ARHGAP22: variants seen among roughly 807,000 people sequenced by gnomAD.
ARHGAP22 encodes rho GTPase-activating protein 22.
A neutral mutation model predicts 59.1 loss-of-function variants in ARHGAP22; 48 were observed. That is an observed-to-expected ratio of 0.81 (90% CI 0.64 to 1.03). The LOEUF (loss-of-function observed/expected upper bound fraction) is 1.03, where lower values mean the gene tolerates loss of function less well. ARHGAP22 is among the 50% of genes least tolerant of loss of function. The pLI, the probability that ARHGAP22 is intolerant of heterozygous loss-of-function variation, is 0.00. For synonymous variants in ARHGAP22, 445 were observed against 416.4 expected (o/e 1.07, Z -0.84); for missense variants, 1,015 against 958.7 (o/e 1.06, Z -0.78).
intron 4 of ARHGAP22, among the ~76,000 whole-genome samples, chr10:48,474,647 G>GGGA (rs1472069779): frequency 1.3e-5 from 2 of 152,112 alleles, no homozygotes; most frequent in East Asian, 1.9e-4. Flanking sequence ...TCTATTCCTA[G>GGGA]TTTCTGGAGT....
chr10:48,533,863 G>GA (rs1189198698), intron 3 of ARHGAP22, among the ~76,000 whole-genome samples: 7 of 152,042 alleles, frequency 4.6e-5, no homozygotes, highest in Middle Eastern at 3.2e-3. Flanking sequence ...ACTTGGCTTA[G>GA]AAAAAAAAGG....
intron 8 of ARHGAP22, 28 bp from the exon 9 acceptor site, chr10:48,451,168 C>T: frequency 6.4e-7 from 1 of 1,550,516 alleles, no homozygotes; most frequent in Non-Finnish European, 8.7e-7. Context: ...GGAGAAGGGC[C>T]TTGCTGCCAG....
chr10:48,442,915 T>G (rs984299258), downstream of ARHGAP22, among the ~76,000 whole-genome samples: 1 of 152,184 alleles, frequency 6.6e-6, no homozygotes, highest in Non-Finnish European at 1.5e-5. Context: ...AATGCCCAGA[T>G]AGCATAGAGA....
At chr10:48,563,186 A>AATTTTTTTTTT (rs2057803156) in intron 2 of ARHGAP22, among the ~76,000 whole-genome samples, 1 of 75,380 alleles carries the variant, frequency 1.3e-5, no homozygotes, top group Non-Finnish European at 2.4e-5. Context: ...AATCCAGGAT[A>AATTTTTTTTTT]ATTTTTTTTT....
chr10:48,520,124 A>G (rs1338509457), intron 3 of ARHGAP22, among the ~76,000 whole-genome samples: 4 of 152,186 alleles, frequency 2.6e-5, no homozygotes, highest in African/African-American at 9.7e-5. Flanking sequence ...CAGAAGAGGC[A>G]GTGGGAGTGC....
Position 48,459,599 on chromosome 10 carries a change from GC to G in ARHGAP22, c.659+84del, listed in dbSNP as rs112098764. 29 of 1,483,060 alleles carry G rather than the reference GC, an allele frequency of 2.0e-5. 1 individual carries two copies. In the African/African-American group the frequency reaches 2.5e-4, roughly 13 times the overall value. The allele number at this position is 1,483,060 out of a possible 1,614,324, so 91.9% of individuals were successfully genotyped here. A position where few individuals can be genotyped will look rare whatever the true frequency, so the allele number is the denominator to read the frequency against. ...ACCATCCTGTCGCTAGCCCACCCCT[GC>G]CCACTGGAGCTGGTGTCCTGGGCAG... On this transcript the variant is annotated intron_variant, in intron 5 of 9. Coordinates refer to ENST00000249601, the MANE Select transcript of ARHGAP22 (RefSeq NM_021226.4).
At chr10:48,505,108 C>A in intron 3 of ARHGAP22, among the ~76,000 whole-genome samples, 1 of 152,158 alleles carries the variant, frequency 6.6e-6, no homozygotes, top group East Asian at 1.9e-4. Flanking sequence ...GGCTGGCATG[C>A]AGTGGCACAA....
chr10:48,573,679 C>T (rs2135512197), intron 2 of ARHGAP22, among the ~76,000 whole-genome samples: 1 of 152,332 alleles, frequency 6.6e-6, no homozygotes, highest in East Asian at 1.9e-4. Flanking sequence ...ATAGTCTTAT[C>T]TCTGAGTGTT....
chr10:48,543,724 G>A (rs1421390809), intron 3 of ARHGAP22, among the ~76,000 whole-genome samples: 2 of 152,112 alleles, frequency 1.3e-5, no homozygotes, highest in African/African-American at 4.8e-5. Context: ...CAGCTGTAAA[G>A]CGATGATTAT....
At chr10:48,640,512 A>G (rs1052135930) in intron 1 of ARHGAP22, among the ~76,000 whole-genome samples, 2 of 152,218 alleles carry the variant, frequency 1.3e-5, no homozygotes, top group Non-Finnish European at 2.9e-5. Context: ...GGGAGTACTG[A>G]TGCAATTAAC....
At chr10:48,655,112 C>CTCTTCTCTTCTCTTCTCTTT (rs1554968197), upstream of ARHGAP22, among the ~76,000 whole-genome samples, 1 of 34,142 alleles carries the variant, frequency 2.9e-5, no homozygotes, top group African/African-American at 1.1e-4. Flanking sequence ...CTCTTCTCTT[C>CTCTTCTCTTCTCTTCTCTTT]TCTTTCCTCT....
intron 1 of ARHGAP22, chr10:48,623,900 G>C (rs960851619): frequency 1.3e-5 from 2 of 152,234 alleles, no homozygotes; most frequent in Non-Finnish European, 2.9e-5. Flanking sequence ...AATTACCAGT[G>C]CTTGAAATTA....
At chr10:48,462,162 G>A (rs2047196332) in intron 4 of ARHGAP22, among the ~76,000 whole-genome samples, 1 of 151,152 alleles carries the variant, frequency 6.6e-6, no homozygotes, top group Admixed American at 6.6e-5. Context: ...GCATGTGTGT[G>A]CACATGTGCT....
the ARHGAP22 span, among the ~76,000 whole-genome samples, chr10:48,431,747 C>G: frequency 6.6e-6 from 1 of 152,052 alleles, no homozygotes; most frequent in African/African-American, 2.4e-5. Context: ...AAGAAGAAAA[C>G]TGGGTTTGTA....
chr10:48,525,478 C>T (rs983490389), intron 3 of ARHGAP22, among the ~76,000 whole-genome samples: 8 of 152,202 alleles, frequency 5.3e-5, no homozygotes, highest in Admixed American at 3.9e-4. Flanking sequence ...GAGGCTGAGG[C>T]ATGATAATCA....
chr10:48,504,362 CAT>C (rs2051853356), intron 3 of ARHGAP22, among the ~76,000 whole-genome samples: 1 of 152,172 alleles, frequency 6.6e-6, no homozygotes, highest in South Asian at 2.1e-4. Context: ...CTGTGCTTGA[CAT>C]ATGGGGTGGC....
intron 3 of ARHGAP22, among the ~76,000 whole-genome samples, chr10:48,507,918 G>A (rs2134473864): frequency 1.4e-5 from 2 of 144,028 alleles, no homozygotes. Flanking sequence ...GGGTGGGGTG[G>A]GGGTGGGGGT....
intron 3 of ARHGAP22, among the ~76,000 whole-genome samples, chr10:48,500,362 C>A (rs201083149): frequency 8.0e-6 from 1 of 124,434 alleles, no homozygotes; most frequent in Non-Finnish European, 1.6e-5. Context: ...ACAAAAACAA[C>A]AACAAAAACC....
At chr10:48,441,400 G>A (rs188589079), downstream of ARHGAP22, among the ~76,000 whole-genome samples, 38 of 141,534 alleles carry the variant, frequency 2.7e-4, no homozygotes, top group Non-Finnish European at 4.7e-4. Context: ...CTTGAGAGAA[G>A]TGAGGGGTAG....
Sources: allele counts gnomAD v4.1 joint callset (sites outside exome capture counted in the v4.1 genomes callset), GRCh38; gene constraint gnomAD v4.1.1; transcripts MANE v1.5; gene names NCBI Gene and HGNC (gene_info 2026-07-23, HGNC 2026-07-21).